SUDS3: variants seen among roughly 807,000 people sequenced by gnomAD.
SUDS3 encodes SIN3A corepressor complex component SDS3, also known as sin3 histone deacetylase corepressor complex component SDS3.
A neutral mutation model predicts 53.5 loss-of-function variants in SUDS3; 23 were observed. The observed-to-expected ratio is 0.43, with a 90% CI of 0.31 to 0.61. The LOEUF is 0.61. SUDS3 is among the 20% of genes least tolerant of loss of function. The pLI, the probability that SUDS3 is intolerant of heterozygous loss-of-function variation, is 0.10. For synonymous variants in SUDS3, 150 were observed against 148.5 expected, an observed-to-expected ratio of 1.01 and a Z score of -0.08; for missense variants, 291 against 405.9, an observed-to-expected ratio of 0.72 and a Z score of 2.43.
chr12:118,384,242 C>T (rs924670245), intron 3 of SUDS3, among the ~76,000 whole-genome samples, 175 bp downstream of exon 3: 1 of 152,112 alleles, frequency 6.6e-6, no homozygotes, highest in African/African-American at 2.4e-5. Context: ...TTTTCCAGCT[C>T]CTTGATTTTG....
intron 2 of SUDS3, among the ~76,000 whole-genome samples, chr12:118,382,163 C>G (rs950354521): frequency 6.6e-6 from 1 of 152,048 alleles, no homozygotes; most frequent in African/African-American, 2.4e-5. Context: ...GCTAAGCCTC[C>G]TGAGTAGCTG....
intron 3 of SUDS3, among the ~76,000 whole-genome samples, chr12:118,385,065 G>C (rs2046102705): frequency 6.6e-6 from 1 of 152,026 alleles, no homozygotes; most frequent in Non-Finnish European, 1.5e-5. Context: ...GAGCTCTTCG[G>C]TTTCATATTG....
chr12:118,379,719 G>C lies in SUDS3; in HGVS notation c.143-443G>C, dbSNP rs1252353550. On this transcript the variant is annotated intron_variant, in intron 1 of 11. Transcript: ENST00000543473. The stretch of plus-strand genomic sequence containing the variant: ...GTCTTACGCCTGCATCTCCTTTCTT[G>C]AGTTGCCAGCATTGTTGTTTCTGCA... 3.9e-5 allele frequency among the ~76,000 whole-genome samples: 6 copies of C among 152,210 alleles called. No individual in the cohort carries two copies. The East Asian group carries it at 1.2e-3, about 29-fold the overall frequency.
intron 10 of SUDS3, chr12:118,404,553 A>G (rs1278906058): frequency 6.6e-6 from 1 of 152,200 alleles, no homozygotes; most frequent in African/African-American, 2.4e-5. Flanking sequence ...GTTCTGTATT[A>G]CGCTTTCTGC....
chr12:118,407,947 G>T (rs2046322678), intron 10 of SUDS3, among the ~76,000 whole-genome samples: 1 of 151,988 alleles, frequency 6.6e-6, no homozygotes, highest in African/African-American at 2.4e-5. Context: ...TGTCACCCAG[G>T]CTGGAGTGCA....
At chr12:118,379,385 C>T (rs568760660) in intron 1 of SUDS3, among the ~76,000 whole-genome samples, 1 of 152,094 alleles carries the variant, frequency 6.6e-6, no homozygotes, top group Non-Finnish European at 1.5e-5. Context: ...TGCAGTGAGC[C>T]GAGATTGTGC....
intron 9 of SUDS3, 49 bp from the exon 10 acceptor site, chr12:118,403,363 C>T (rs1475545356): frequency 5.0e-6 from 7 of 1,392,802 alleles, no homozygotes; most frequent in Middle Eastern, 3.9e-4. Context: ...CTGGTAGACT[C>T]GCATGTGTTT....
At chr12:118,405,701 C>G (rs2046302772) in intron 10 of SUDS3, among the ~76,000 whole-genome samples, 1 of 152,132 alleles carries the variant, frequency 6.6e-6, no homozygotes, top group Non-Finnish European at 1.5e-5. Context: ...AGGTGGGTCT[C>G]CCTCTTCCCC....
intron 9 of SUDS3, chr12:118,402,324 CAGA>C (rs2046270507): frequency 2.6e-6 from 1 of 385,382 alleles, no homozygotes; most frequent in African/African-American, 2.1e-5. Flanking sequence ...AAAATGAAAC[CAGA>C]AGGATTTTTA....
intron 1 of SUDS3, among the ~76,000 whole-genome samples, chr12:118,378,584 C>G (rs1291155998): frequency 6.6e-6 from 1 of 151,856 alleles, no homozygotes; most frequent in African/African-American, 2.4e-5. Context: ...TGGGTTCAAG[C>G]AGTTCTCCTG....
In SUDS3 at chr12:118,415,627, AT is replaced by A. The variant is rs2046393500; in HGVS notation, c.*1195del. ...TCTATACTCATGTTGCCATCTTGAG[AT>A]GTTCAAAAAATTTGGGGTTAGAGCA... On this transcript the variant is annotated 3_prime_UTR_variant, in exon 12 of 12. Coordinates refer to ENST00000543473, the MANE Select transcript of SUDS3 (RefSeq NM_022491.3). The A allele has an allele frequency of 6.6e-6, 1 of 152,070 alleles. No individual in the cohort carries two copies. Among genetic ancestry groups the A allele is most frequent in the Non-Finnish European group, 1.5e-5 (1 of 68,008 alleles). The allele number at this position is 152,070 out of a possible 1,614,324, so 9.4% of individuals were successfully genotyped here.
At chr12:118,382,319 A>G (rs995226347) in intron 2 of SUDS3, among the ~76,000 whole-genome samples, 1 of 151,646 alleles carries the variant, frequency 6.6e-6, no homozygotes, top group South Asian at 2.1e-4. Context: ...TCGTGTTGAG[A>G]TTACAGGCCT....
chr12:118,401,249 A>G lies in SUDS3; in HGVS notation c.613+495A>G, dbSNP rs2046260212. 2.0e-5 allele frequency among the ~76,000 whole-genome samples: 3 copies of G among 152,260 alleles called. No homozygotes were observed. The South Asian group carries it at 6.2e-4, about 31-fold the overall frequency. The stretch of plus-strand genomic sequence containing the variant: ...TAATCATAAAAATGGTAACGGAAAC[A>G]GGAAAGATGGAGAAGCGTTGTTTCT... On this transcript the variant is annotated intron_variant, in intron 7 of 11. Coordinates refer to ENST00000543473, the MANE Select transcript of SUDS3 (RefSeq NM_022491.3).
At position 118,411,168 on chromosome 12, in the gene SUDS3, C is replaced by T. The variant is rs768493630; in HGVS notation, c.888+11C>T. On this transcript the variant is annotated intron_variant, in intron 11 of 11. Transcript: ENST00000543473. ...GTAGGAGCCAATGAGGTGGGAACCACACTCCCTCACCTTTAGGGAAGCAAA... is the reference window on the plus strand; with the variant it reads ...GTAGGAGCCAATGAGGTGGGAACCATACTCCCTCACCTTTAGGGAAGCAAA... 24 of 1,581,090 alleles carry T rather than the reference C, an allele frequency of 1.5e-5. No homozygotes were observed. In the South Asian group the frequency reaches 2.3e-4, roughly 15 times the overall value.
intron 1 of SUDS3, among the ~76,000 whole-genome samples, chr12:118,377,994 G>A (rs774316620): frequency 6.6e-6 from 1 of 152,180 alleles, no homozygotes; most frequent in Non-Finnish European, 1.5e-5. Flanking sequence ...ACAAAGTTGA[G>A]GGACTGCATT....
In SUDS3 at chr12:118,412,323, T is replaced by C. The variant is rs537259336; in HGVS notation, c.888+1166T>C. On this transcript the variant is annotated intron_variant, in intron 11 of 11. Coordinates refer to ENST00000543473, the MANE Select transcript of SUDS3 (RefSeq NM_022491.3). ...GCAAAGAAATTGATTTCTATGTGTC[T>C]GCCCTCTGTAACTTATTCGTGCCAG... 3.9e-5 allele frequency among the ~76,000 whole-genome samples: 6 copies of C among 152,384 alleles called. No homozygotes were observed. The South Asian group carries it at 1.2e-3, about 32-fold the overall frequency.
At chr12:118,412,427 G>A (rs2046367178) in intron 11 of SUDS3, among the ~76,000 whole-genome samples, 1 of 152,188 alleles carries the variant, frequency 6.6e-6, no homozygotes, top group African/African-American at 2.4e-5. Context: ...AATTGAAAAT[G>A]CCCTGAAATG....
At position 118,386,115 on chromosome 12, in the gene SUDS3, T is replaced by C; in HGVS notation, c.270T>C (p.Gly90=). 1 of 1,589,506 alleles carries C rather than the reference T, an allele frequency of 6.3e-7. No individual in the cohort carries two copies. Among genetic ancestry groups the C allele is most frequent in the Non-Finnish European group, 8.6e-7 (1 of 1,166,604 alleles). ...LKRQLQQLQE[G]TLQEYQKRMK... The stretch of plus-strand genomic sequence containing the variant: ...TATTTTTCAAATGTTCAAAATCAGG[T>C]ACATTACAGGAATATCAGAAGAGAA... Residue 90 remains glycine, a splice_region_variant and synonymous_variant, in exon 4 of 12, where the codon GGT becomes GGC. Coordinates refer to ENST00000543473, the MANE Select transcript of SUDS3 (RefSeq NM_022491.3).
intron 10 of SUDS3, among the ~76,000 whole-genome samples, chr12:118,408,673 T>C (rs576291291): frequency 6.6e-6 from 1 of 152,002 alleles, no homozygotes; most frequent in Non-Finnish European, 1.5e-5. Context: ...AGGAACATAG[T>C]TGACATAGTT....
Sources: allele counts gnomAD v4.1 joint callset (sites outside exome capture counted in the v4.1 genomes callset), GRCh38; gene constraint gnomAD v4.1.1; transcripts MANE v1.5; gene names NCBI Gene and HGNC (gene_info 2026-07-23, HGNC 2026-07-21).